Variants in KLF15 observed in about 807,000 individuals in gnomAD.
The protein encoded by KLF15 is KLF transcription factor 15.
A neutral mutation model predicts 24.6 loss-of-function variants in KLF15; 4 were observed. That is an observed-to-expected ratio of 0.16 (90% CI 0.08 to 0.37). KLF15 has a LOEUF of 0.37. Ranked by LOEUF, KLF15 falls within the 10% of genes least tolerant of loss-of-function variation. The pLI is 1.00. For synonymous variants in KLF15, 246 were observed against 236.3 expected (o/e 1.04, Z -0.37); for missense variants, 496 against 560.6 (o/e 0.88, Z 1.16).
the KLF15 span, among the ~76,000 whole-genome samples, chr3:126,320,145 G>A: frequency 6.6e-6 from 1 of 152,174 alleles, no homozygotes; most frequent in Non-Finnish European, 1.5e-5. Context: ...GAGGTGATAG[G>A]GAGTGCTGAA....
intron 2 of KLF15, among the ~76,000 whole-genome samples, chr3:126,349,114 C>A (rs1286218358): frequency 1.3e-5 from 2 of 152,132 alleles, no homozygotes; most frequent in Non-Finnish European, 2.9e-5. Flanking sequence ...AAGACTATCA[C>A]CACATTAAGA....
chr3:126,339,056 G>T (rs116132305), downstream of KLF15, among the ~76,000 whole-genome samples: 3,021 of 152,298 alleles, frequency 0.02, 98 homozygotes, highest in African/African-American at 0.068. Flanking sequence ...GGGTGGAGCA[G>T]CAGGGCCAAG....
At chr3:126,320,182 A>G in the KLF15 span, among the ~76,000 whole-genome samples, 1 of 152,172 alleles carries the variant, frequency 6.6e-6, no homozygotes, top group Non-Finnish European at 1.5e-5. Context: ...AGATCACATG[A>G]CCACTTTGGA....
the KLF15 span, among the ~76,000 whole-genome samples, chr3:126,293,652 A>G: frequency 1.3e-5 from 2 of 152,188 alleles, no homozygotes; most frequent in Non-Finnish European, 2.9e-5. Context: ...CCCTGCAGAA[A>G]GTGCTCATGG....
the KLF15 span, among the ~76,000 whole-genome samples, chr3:126,297,690 A>T: frequency 0.012 from 1,796 of 152,126 alleles, 43 homozygotes; most frequent in African/African-American, 0.042. Flanking sequence ...AAGTGAGAAC[A>T]TATGATATTT....
the KLF15 span, among the ~76,000 whole-genome samples, chr3:126,309,235 C>A: frequency 0.12 from 18,878 of 152,278 alleles, 1,941 homozygotes; most frequent in African/African-American, 0.29. Context: ...TAACTCTGGA[C>A]ATGAGTGGAG....
rs1373653802 is a variant in KLF15, at chr3:126,353,001, C to T, written c.-25-54G>A. On this transcript the variant is annotated intron_variant, in intron 1 of 2. Coordinates refer to ENST00000296233, the MANE Select transcript of KLF15 (RefSeq NM_014079.4). ...TCAGAAGGACAGTGCTCACCTGCCACCTCGCAGGCCTCTGACCCCACCCTC... is the reference window on the plus strand; with the variant it reads ...TCAGAAGGACAGTGCTCACCTGCCATCTCGCAGGCCTCTGACCCCACCCTC... The T allele has an allele frequency of 2.6e-6, 4 of 1,512,494 alleles. No homozygotes were observed. The South Asian group carries it at 4.0e-5, about 15-fold the overall frequency. 93.7% of individuals were successfully genotyped at this position (1,512,494 alleles called of 1,614,324 possible). A position where few individuals can be genotyped will look rare whatever the true frequency, so the allele number is the denominator to read the frequency against.
the KLF15 span, among the ~76,000 whole-genome samples, chr3:126,324,349 C>T: frequency 1.3e-5 from 1 of 75,526 alleles, no homozygotes; most frequent in Non-Finnish European, 2.5e-5. Flanking sequence ...ATACTTTTTT[C>T]TTATCTACCT....
At chr3:126,304,470 C>T in the KLF15 span, among the ~76,000 whole-genome samples, 78 of 152,306 alleles carry the variant, frequency 5.1e-4, no homozygotes, top group South Asian at 0.015. Context: ...AACCTCAGTT[C>T]GTTCCCTCAC....
the KLF15 span, among the ~76,000 whole-genome samples, chr3:126,308,710 A>C: frequency 6.6e-6 from 1 of 152,168 alleles, no homozygotes; most frequent in African/African-American, 2.4e-5. Context: ...CGTGGAAAGA[A>C]GTCTTTCTCC....
the KLF15 span, among the ~76,000 whole-genome samples, chr3:126,302,107 A>G: frequency 8.4e-3 from 1,274 of 152,312 alleles, 21 homozygotes; most frequent in African/African-American, 0.029. Flanking sequence ...AAAAACCTTT[A>G]CAATTTTAAA....
At chr3:126,310,786 C>T in the KLF15 span, among the ~76,000 whole-genome samples, 17,858 of 152,170 alleles carry the variant, frequency 0.12, 1,687 homozygotes, top group African/African-American at 0.26. Context: ...CTCTGCAAGA[C>T]CCTGTCTCCA....
chr3:126,292,959 A>G, the KLF15 span, among the ~76,000 whole-genome samples: 1 of 152,060 alleles, frequency 6.6e-6, no homozygotes, highest in South Asian at 2.1e-4. Context: ...GTGATGGACT[A>G]AGGATAGATT....
intron 2 of KLF15, among the ~76,000 whole-genome samples, chr3:126,348,629 T>G (rs1341246916): frequency 6.6e-6 from 1 of 152,216 alleles, no homozygotes; most frequent in Non-Finnish European, 1.5e-5. Context: ...AAGGACCTGA[T>G]GAGCTAATGC....
At chr3:126,340,035 C>T (rs369338452), downstream of KLF15, among the ~76,000 whole-genome samples, 13 of 152,262 alleles carry the variant, frequency 8.5e-5, no homozygotes, top group South Asian at 1.4e-3. Context: ...AGAATGTGGA[C>T]GAGGCCATGG....
rs543538491 is a variant in KLF15, at chr3:126,353,932, C to G, written c.-25-985G>C. ...ATCTAGTGGGAAAGGAGACAACCAC[C>G]CCCCCAGCCCATCCTGACCAATAAG... On this transcript the variant is annotated intron_variant, in intron 1 of 2. Transcript: ENST00000296233. 7.7e-4 allele frequency: 118 copies of G among 152,462 alleles called. 1 individual carries two copies. The highest frequency in any genetic ancestry group is 6.2e-4 in the Non-Finnish European group (42 of 68,164). 9.4% of individuals were successfully genotyped at this position (152,462 alleles called of 1,614,324 possible).
intron 2 of KLF15, among the ~76,000 whole-genome samples, chr3:126,349,836 T>G (rs1241410859): frequency 1.3e-5 from 2 of 151,910 alleles, no homozygotes; most frequent in African/African-American, 4.8e-5. Flanking sequence ...AAGAGGAGAG[T>G]GCATACAGGG....
the KLF15 span, among the ~76,000 whole-genome samples, chr3:126,309,670 C>T: frequency 6.6e-6 from 1 of 152,204 alleles, no homozygotes; most frequent in Admixed American, 6.5e-5. Context: ...CACCGTTCCC[C>T]AAATAAAAGG....
chr3:126,307,263 G>A, the KLF15 span, among the ~76,000 whole-genome samples: 6 of 152,186 alleles, frequency 3.9e-5, no homozygotes, highest in East Asian at 9.7e-4. Flanking sequence ...CTGGGTCACC[G>A]GGCTCCTCCA....
Sources: allele counts gnomAD v4.1 joint callset (sites outside exome capture counted in the v4.1 genomes callset), GRCh38; gene constraint gnomAD v4.1.1; transcripts MANE v1.5; gene names NCBI Gene and HGNC (gene_info 2026-07-23, HGNC 2026-07-21).